ADGRG6: variants seen among roughly 807,000 people sequenced by gnomAD.
ADGRG6 encodes the protein G-protein coupled receptor 126.
A neutral mutation model predicts 142.4 loss-of-function variants in ADGRG6; 84 were observed. The ratio of observed to expected loss-of-function variants is 0.59; its 90% CI spans 0.49 to 0.71. The LOEUF is 0.71. Ranked by LOEUF, ADGRG6 falls within the 30% of genes least tolerant of loss-of-function variation. The pLI is 0.00. For synonymous variants in ADGRG6, 521 were observed against 520.5 expected (o/e 1.00, Z -0.01); for missense variants, 1,367 against 1,466.6 (o/e 0.93, Z 1.11).
chr6:142,427,442 C>T (rs981968068), intron 22 of ADGRG6, among the ~76,000 whole-genome samples: 9 of 152,144 alleles, frequency 5.9e-5, no homozygotes, highest in Admixed American at 1.3e-4. Flanking sequence ...ACCTTATTGT[C>T]CATATCACTA....
At chr6:142,391,168 T>G (rs1184969320) in intron 7 of ADGRG6, among the ~76,000 whole-genome samples, 1 of 151,716 alleles carries the variant, frequency 6.6e-6, no homozygotes, top group Non-Finnish European at 1.5e-5. Flanking sequence ...ACACATGGAT[T>G]TTTTCATTTT....
At chr6:142,434,046 CTG>C (rs1777355220) in intron 22 of ADGRG6, among the ~76,000 whole-genome samples, 1 of 151,900 alleles carries the variant, frequency 6.6e-6, no homozygotes, top group Non-Finnish European at 1.5e-5. Flanking sequence ...GAGCAAGAAT[CTG>C]TCTCTTAAAA....
intron 1 of ADGRG6, among the ~76,000 whole-genome samples, chr6:142,303,904 A>G (rs1437090530): frequency 6.6e-6 from 1 of 152,202 alleles, no homozygotes; most frequent in Admixed American, 6.5e-5. Flanking sequence ...GTGATTAAAA[A>G]ATCATGTCAT....
chr6:142,352,996 G>A lies in ADGRG6; in HGVS notation c.104-14573G>A, dbSNP rs148505528. ...CTCTCTCCACCAAAAACAAACCCAA[G>A]CCTTTCCCTATGTGAGATGAAGGAA... On this transcript the variant is annotated intron_variant, in intron 2 of 24. Transcript: ENST00000367609. Among the ~76,000 whole-genome samples, 673 of 152,190 alleles carry A rather than the reference G, an allele frequency of 4.4e-3. 6 individuals are homozygous for A. The highest frequency in any genetic ancestry group is 0.016 in the African/African-American group (644 of 41,532).
intron 2 of ADGRG6, among the ~76,000 whole-genome samples, chr6:142,331,760 A>G (rs1035065995): frequency 6.6e-6 from 1 of 152,018 alleles, no homozygotes; most frequent in Non-Finnish European, 1.5e-5. Context: ...ATTTGTGACT[A>G]AGTAGGAAAA....
chr6:142,363,541 G>T (rs1331156576), intron 2 of ADGRG6, among the ~76,000 whole-genome samples: 2 of 152,122 alleles, frequency 1.3e-5, no homozygotes, highest in African/African-American at 2.4e-5. Flanking sequence ...TTGGTTTGTT[G>T]TTTGTTTGGA....
chr6:142,320,112 A>G (rs1376747983), intron 2 of ADGRG6, among the ~76,000 whole-genome samples: 1 of 152,070 alleles, frequency 6.6e-6, no homozygotes, highest in Non-Finnish European at 1.5e-5. Context: ...TTTAAAGGAG[A>G]GCTTTTCATA....
At chr6:142,352,649 A>G (rs900973655) in intron 2 of ADGRG6, among the ~76,000 whole-genome samples, 9 of 152,156 alleles carry the variant, frequency 5.9e-5, no homozygotes, top group Non-Finnish European at 1.3e-4. Context: ...TAACATATAT[A>G]TTTGTATAAG....
In ADGRG6 at chr6:142,347,014, TTA is replaced by T. The variant is rs752456296; in HGVS notation, c.104-20551_104-20550del. On this transcript the variant is annotated intron_variant, in intron 2 of 24. Transcript: ENST00000367609. Reference sequence around the variant, plus strand: ...CCTTCTGCACATGTATCCCAGAACTTTATATGTTTTTTTAAAAAGCCATTTTT... The same window carrying T: ...CCTTCTGCACATGTATCCCAGAACTTTATGTTTTTTTAAAAAGCCATTTTT... 2.2e-3 allele frequency among the ~76,000 whole-genome samples: 333 copies of T among 152,204 alleles called. 1 individual carries two copies. The highest frequency in any genetic ancestry group is 4.2e-3 in the South Asian group (20 of 4,812).
chr6:142,440,968 CT>C, intron 24 of ADGRG6: 17 of 1,432,894 alleles, frequency 1.2e-5, no homozygotes, highest in Admixed American at 2.6e-5. Flanking sequence ...ACTTTCGTTA[CT>C]TTTTTGAATG....
rs1267408720 is a variant in ADGRG6 at position 142,392,170 on chromosome 6, CT to C, written c.1309-776del. 2.6e-5 allele frequency among the ~76,000 whole-genome samples: 4 copies of C among 151,948 alleles called. No individual in the cohort carries two copies. In the South Asian group the frequency reaches 6.2e-4, roughly 24 times the overall value. Reference sequence around the variant, plus strand: ...AAACTTACATTCAGTTTTAGAAATGCTTAAAAGAGAGGCTAAATGTGTGTAT... The same window carrying C: ...AAACTTACATTCAGTTTTAGAAATGCTAAAAGAGAGGCTAAATGTGTGTAT... On this transcript the variant is annotated intron_variant, in intron 7 of 24. Transcript: ENST00000367609.
intron 22 of ADGRG6, among the ~76,000 whole-genome samples, chr6:142,432,969 A>G (rs1455145641): frequency 1.3e-5 from 2 of 152,214 alleles, no homozygotes; most frequent in South Asian, 2.1e-4. Context: ...ACTAAAAATC[A>G]TTTGCTAAAT....
intron 4 of ADGRG6, among the ~76,000 whole-genome samples, chr6:142,372,259 ACTAAAT>A (rs1168083802): frequency 2.6e-5 from 4 of 152,246 alleles, no homozygotes; most frequent in Admixed American, 6.5e-5. Flanking sequence ...ATGTCATATG[ACTAAAT>A]CTAAGGCAGT....
At chr6:142,320,547 A>G (rs921566132) in intron 2 of ADGRG6, among the ~76,000 whole-genome samples, 17 of 152,188 alleles carry the variant, frequency 1.1e-4, no homozygotes, top group African/African-American at 3.9e-4. Context: ...TACCTTTTCC[A>G]TATGTACTGA....
chr6:142,389,851 C>G (rs10484733), intron 6 of ADGRG6, among the ~76,000 whole-genome samples: 31,184 of 151,642 alleles, frequency 0.21, 3,297 homozygotes, highest in African/African-American at 0.24. Context: ...TGATCTCATT[C>G]AAGTTTTCAC....
chr6:142,355,234 A>G (rs1265047912), intron 2 of ADGRG6, among the ~76,000 whole-genome samples: 2 of 152,040 alleles, frequency 1.3e-5, no homozygotes, highest in South Asian at 4.2e-4. Context: ...ATTTTTCCGT[A>G]AGATGGACCT....
chr6:142,398,997 AGACAAAT>A (rs1387975870), intron 10 of ADGRG6, among the ~76,000 whole-genome samples: 1 of 152,208 alleles, frequency 6.6e-6, no homozygotes, highest in Non-Finnish European at 1.5e-5. Context: ...CTTGTTGAAT[AGACAAAT>A]GAATGAGTCT....
In ADGRG6 at chr6:142,370,758, A is replaced by T. The variant is rs1264175851; in HGVS notation, c.1034A>T (p.Asn345Ile). 1 of 1,613,584 alleles carries T rather than the reference A, an allele frequency of 6.2e-7. No homozygotes were observed. The highest frequency in any genetic ancestry group is 8.5e-7 in the Non-Finnish European group (1 of 1,179,792). The stretch of plus-strand genomic sequence containing the variant: ...CAAAATGACTTCTGGAATATCCCAA[A>T]CCTAGCTCTGAAAGCTGAAAGCAAC... ...DWQNDFWNIP[N>I]LALKAESNLS... Residue 345 changes from asparagine to isoleucine, a missense_variant, in exon 4 of 25, where the codon AAC becomes ATC. Physicochemically the swap from Asn to Ile is moderately radical, Grantham distance 149 (BLOSUM62 -3). Transcript: ENST00000367609.
At chr6:142,316,388 T>C (rs1357488576) in intron 2 of ADGRG6, among the ~76,000 whole-genome samples, 2 of 152,266 alleles carry the variant, frequency 1.3e-5, no homozygotes, top group South Asian at 4.1e-4. Flanking sequence ...TAGTCACTCT[T>C]ATTGGTTTGG....
Sources: allele counts gnomAD v4.1 joint callset (sites outside exome capture counted in the v4.1 genomes callset), GRCh38; gene constraint gnomAD v4.1.1; transcripts MANE v1.5; gene names NCBI Gene and HGNC (gene_info 2026-07-23, HGNC 2026-07-21).